CNTLN: variants seen among roughly 807,000 people sequenced by gnomAD.
The protein encoded by CNTLN is centlein, centrosomal protein.
Under a neutral mutation model 180.0 loss-of-function variants are expected in CNTLN, and 212 were observed. The ratio of observed to expected loss-of-function variants is 1.18; its 90% CI spans 1.05 to 1.32. CNTLN has a LOEUF of 1.32. CNTLN is among the 40% of genes most tolerant of loss of function. The pLI, the probability that CNTLN is intolerant of heterozygous loss-of-function variation, is 0.00. For missense variants in CNTLN, 2,095 were observed against 1,610.9 expected, an observed-to-expected ratio of 1.30 and a Z score of -5.14; for synonymous variants, 722 against 563.1, an observed-to-expected ratio of 1.28 and a Z score of -3.99.
intron 18 of CNTLN, among the ~76,000 whole-genome samples, chr9:17,429,899 G>C (rs1486208090): frequency 6.6e-6 from 1 of 151,844 alleles, no homozygotes. Context: ...CATATGGTTA[G>C]CCAAGCAAAG....
chr9:17,255,350 A>G (rs1826409457), intron 5 of CNTLN, among the ~76,000 whole-genome samples: 1 of 151,716 alleles, frequency 6.6e-6, no homozygotes, highest in South Asian at 2.1e-4. Flanking sequence ...GTTATGTTGA[A>G]GTAGCTTCCT....
At chr9:17,312,964 T>G (rs1819310689) in intron 8 of CNTLN, among the ~76,000 whole-genome samples, 1 of 152,152 alleles carries the variant, frequency 6.6e-6, no homozygotes, top group Admixed American at 6.5e-5. Context: ...CTCCTTTGAG[T>G]TTTCTCAATT....
Position 17,402,465 on chromosome 9 carries a change from G to T in CNTLN, c.2616-6828G>T, listed in dbSNP as rs773708130. On this transcript the variant is annotated intron_variant, in intron 15 of 25. Transcript: ENST00000380647. ...ACTGAACTAAGTCCCACATGGAGGG[G>T]ATGACACTGTGAAAAGAAACTGAAT... Among the ~76,000 whole-genome samples, 12 of 151,938 alleles carry T rather than the reference G, an allele frequency of 7.9e-5. No individual in the cohort carries two copies. The South Asian group carries it at 1.7e-3, about 21-fold the overall frequency.
rs190640271 is a variant in CNTLN at position 17,230,621 on chromosome 9, C to T, written c.534+4334C>T. 5.2e-3 allele frequency among the ~76,000 whole-genome samples: 785 copies of T among 151,782 alleles called. 28 individuals carry two copies. Among genetic ancestry groups the T allele is most frequent in the Admixed American group, 0.049 (744 of 15,200 alleles). On this transcript the variant is annotated intron_variant, in intron 3 of 25. Transcript: ENST00000380647. Reference sequence around the variant, plus strand: ...TCAGGTAAAACCCCATGAGTCTGGGCTCTGGTAAAATAGTTTTTCTTGATG... The same window carrying T: ...TCAGGTAAAACCCCATGAGTCTGGGTTCTGGTAAAATAGTTTTTCTTGATG...
At chr9:17,233,541 A>G (rs1824942250) in intron 3 of CNTLN, among the ~76,000 whole-genome samples, 1 of 152,106 alleles carries the variant, frequency 6.6e-6, no homozygotes, top group Admixed American at 6.6e-5. Flanking sequence ...GCAGTTTGAA[A>G]AACACTGCTT....
At chr9:17,457,423 T>C (rs1164423049) in intron 18 of CNTLN, 101 bp from the exon 19 acceptor site, 1 of 636,554 alleles carries the variant, frequency 1.6e-6, no homozygotes, top group Non-Finnish European at 2.3e-6. Context: ...CAGTTCTCTT[T>C]AATATTTTCC....
the CNTLN span, among the ~76,000 whole-genome samples, chr9:17,524,037 A>G: frequency 6.6e-6 from 1 of 152,224 alleles, no homozygotes; most frequent in African/African-American, 2.4e-5. Flanking sequence ...TAAAATGAGA[A>G]AGGTTCAAAA....
chr9:17,151,885 T>G (rs973089350), intron 2 of CNTLN, among the ~76,000 whole-genome samples: 8 of 152,206 alleles, frequency 5.3e-5, no homozygotes, highest in Admixed American at 5.2e-4. Context: ...TGTCTTGGAA[T>G]TGGGAGGGTG....
the CNTLN span, among the ~76,000 whole-genome samples, chr9:17,522,097 GTC>G: frequency 2.0e-5 from 3 of 152,212 alleles, no homozygotes; most frequent in African/African-American, 7.2e-5. Context: ...TGCTATGATA[GTC>G]TCAGTTTCCA....
At chr9:17,434,390 G>T (rs1829632417) in intron 18 of CNTLN, among the ~76,000 whole-genome samples, 1 of 151,866 alleles carries the variant, frequency 6.6e-6, no homozygotes, top group African/African-American at 2.4e-5. Context: ...CACTGCTTTA[G>T]CTGCATCCCA....
intron 2 of CNTLN, among the ~76,000 whole-genome samples, chr9:17,170,611 A>G (rs1283184102): frequency 6.6e-6 from 1 of 151,686 alleles, no homozygotes; most frequent in African/African-American, 2.4e-5. Context: ...TTCATTTTGC[A>G]TTTCATTGTT....
chr9:17,136,269 C>G (rs1247121548), intron 1 of CNTLN, among the ~76,000 whole-genome samples: 1 of 152,168 alleles, frequency 6.6e-6, no homozygotes, highest in East Asian at 1.9e-4. Flanking sequence ...GTCACTCTGT[C>G]TTCAACTTAG....
chr9:17,522,125 T>C, the CNTLN span, among the ~76,000 whole-genome samples: 1 of 152,148 alleles, frequency 6.6e-6, no homozygotes, highest in Non-Finnish European at 1.5e-5. Flanking sequence ...CTGTCTCCTA[T>C]GACATAGGAC....
chr9:17,224,507 T>TC (rs1456057322), intron 2 of CNTLN, among the ~76,000 whole-genome samples: 6 of 152,074 alleles, frequency 3.9e-5, no homozygotes, highest in Non-Finnish European at 8.8e-5. Flanking sequence ...TGTTGGAGTT[T>TC]CCCAAAGAAA....
intron 2 of CNTLN, among the ~76,000 whole-genome samples, chr9:17,206,899 C>T (rs1220213764): frequency 1.3e-5 from 2 of 152,188 alleles, no homozygotes; most frequent in Non-Finnish European, 2.9e-5. Flanking sequence ...TGCAAAGGGC[C>T]CTCATGACTG....
At chr9:17,360,750 A>C (rs1823311118) in intron 12 of CNTLN, among the ~76,000 whole-genome samples, 1 of 152,056 alleles carries the variant, frequency 6.6e-6, no homozygotes, top group Non-Finnish European at 1.5e-5. Context: ...TTTATTTTTA[A>C]TTTTATTATT....
intron 1 of CNTLN, among the ~76,000 whole-genome samples, chr9:17,141,196 G>C (rs1463962603): frequency 6.6e-6 from 1 of 152,146 alleles, no homozygotes; most frequent in African/African-American, 2.4e-5. Context: ...TAAAAAGAGA[G>C]AATGGATGAC....
intron 9 of CNTLN, among the ~76,000 whole-genome samples, chr9:17,332,176 C>T (rs186560517): frequency 1.6e-3 from 247 of 152,058 alleles, no homozygotes; most frequent in Non-Finnish European, 2.6e-3. Context: ...GCATATTGTT[C>T]CTTCAACTTC....
chr9:17,444,196 G>T (rs1413512470), intron 18 of CNTLN: 1 of 152,170 alleles, frequency 6.6e-6, no homozygotes, highest in Non-Finnish European at 1.5e-5. Flanking sequence ...CTTCATTCCA[G>T]ACCAGACCAG....
Sources: allele counts gnomAD v4.1 joint callset (sites outside exome capture counted in the v4.1 genomes callset), GRCh38; gene constraint gnomAD v4.1.1; transcripts MANE v1.5; gene names NCBI Gene and HGNC (gene_info 2026-07-23, HGNC 2026-07-21).